IQSEC3: variants seen among roughly 807,000 people sequenced by gnomAD.
IQSEC3 encodes IQ motif and Sec7 domain ArfGEF 3.
IQSEC3 carries 50 observed loss-of-function variants against 105.4 expected under a neutral mutation model. That is an observed-to-expected ratio of 0.47 (90% confidence interval 0.38 to 0.60). IQSEC3 has a LOEUF of 0.60. Ranked by LOEUF, IQSEC3 falls within the 20% of genes least tolerant of loss-of-function variation. The pLI is 0.00. For synonymous variants in IQSEC3, 708 were observed against 746.0 expected (o/e 0.95, Z 0.83); for missense variants, 1,415 against 1,630.0 (o/e 0.87, Z 2.27).
intron 3 of IQSEC3, among the ~76,000 whole-genome samples, chr12:127,336 T>C (rs1301079767): frequency 1.3e-5 from 2 of 152,072 alleles, no homozygotes; most frequent in East Asian, 3.9e-4. Flanking sequence ...CCGCCCAATA[T>C]GGTGAAACCC....
In IQSEC3 at chr12:152,252, G is replaced by A. The variant is rs1555092856; in HGVS notation, c.2154-4773G>A. Reference sequence around the variant, plus strand: ...AGGTGCCCAGGCCAGCTCTGAACCTGCAGGGTGACCACAGAGCCCCCGTGC... The same window carrying A: ...AGGTGCCCAGGCCAGCTCTGAACCTACAGGGTGACCACAGAGCCCCCGTGC... On this transcript the variant is annotated intron_variant, in intron 5 of 13. Transcript: ENST00000538872. This position sits in a 1 kb window ranked among gnomAD's most constrained non-coding sequence, Gnocchi z 4.8. 6.6e-6 allele frequency among the ~76,000 whole-genome samples: 1 copy of A among 152,210 alleles called. No homozygotes were observed. The highest frequency in any genetic ancestry group is 2.4e-5 in the African/African-American group (1 of 41,448).
chr12:137,074 C>T (rs529342534), intron 3 of IQSEC3, among the ~76,000 whole-genome samples: 18 of 149,468 alleles, frequency 1.2e-4, no homozygotes, highest in African/African-American at 4.2e-4. Flanking sequence ...TTGGACAGCT[C>T]CCACCGTAAG....
chr12:177,214 AGCTT>A lies in IQSEC3; in HGVS notation c.*2182_*2185del. The A allele has an allele frequency of 3.3e-5, 4 of 121,800 alleles. No homozygotes were observed. Among genetic ancestry groups the A allele is most frequent in the African/African-American group, 9.7e-5 (3 of 30,998 alleles). The allele number at this position is 121,800 out of a possible 1,614,324, so 7.5% of individuals were successfully genotyped here. On this transcript the variant is annotated 3_prime_UTR_variant, in exon 14 of 14. Coordinates refer to ENST00000538872, the MANE Select transcript of IQSEC3 (RefSeq NM_001170738.2). This position sits in a 1 kb window ranked among gnomAD's most constrained non-coding sequence, Gnocchi z 5.3. ...CGTCCCCTGCTCACACAGCTCTTCAAGCTTACCAAGGACAGGCAGAACCCCGTCC... is the reference window on the plus strand; with the variant it reads ...CGTCCCCTGCTCACACAGCTCTTCAAACCAAGGACAGGCAGAACCCCGTCC...
intron 1 of IQSEC3, among the ~76,000 whole-genome samples, chr12:92,442 C>T (rs1864117530): frequency 6.6e-6 from 1 of 152,070 alleles, no homozygotes; most frequent in Non-Finnish European, 1.5e-5. Flanking sequence ...CACAGGGGCT[C>T]TGAGAATGCC....
At chr12:135,397 C>A (rs1865729908) in intron 3 of IQSEC3, among the ~76,000 whole-genome samples, 1 of 152,212 alleles carries the variant, frequency 6.6e-6, no homozygotes, top group African/African-American at 2.4e-5. Flanking sequence ...AGGCAAGTAT[C>A]TGTGTCTCTT....
intron 1 of IQSEC3, among the ~76,000 whole-genome samples, chr12:81,988 A>G (rs1555070812): frequency 6.6e-6 from 1 of 152,148 alleles, no homozygotes; most frequent in Non-Finnish European, 1.5e-5. Flanking sequence ...TGAAAAGCAT[A>G]GTCTTGGGAG....
At chr12:80,195 C>T (rs1040293307) in intron 1 of IQSEC3, among the ~76,000 whole-genome samples, 6 of 152,208 alleles carry the variant, frequency 3.9e-5, no homozygotes, top group Admixed American at 3.9e-4. Flanking sequence ...GCTGCTGCAG[C>T]CTCCTGCAGA....
chr12:114,907 G>A (rs1865002652), intron 2 of IQSEC3, among the ~76,000 whole-genome samples: 1 of 152,218 alleles, frequency 6.6e-6, no homozygotes, highest in African/African-American at 2.4e-5. Flanking sequence ...TACAGCAGGA[G>A]CCTAGCACGT....
At chr12:157,962 G>A (rs1482614497) in intron 7 of IQSEC3, among the ~76,000 whole-genome samples, 4 of 152,242 alleles carry the variant, frequency 2.6e-5, no homozygotes, top group Non-Finnish European at 4.4e-5. Context: ...TGGCCTCTAG[G>A]CCCCTGACAC....
intron 1 of IQSEC3, among the ~76,000 whole-genome samples, chr12:97,071 C>T (rs1864261292): frequency 6.6e-6 from 1 of 152,194 alleles, no homozygotes; most frequent in African/African-American, 2.4e-5. Context: ...AGCATCTTTC[C>T]ATTGGCTATG....
intron 11 of IQSEC3, chr12:166,228 T>G: frequency 6.6e-6 from 2 of 301,332 alleles, no homozygotes; most frequent in East Asian, 6.1e-5. Context: ...CTCTGGTGCG[T>G]TCCTTCCCAC....
In IQSEC3 at chr12:125,654, C is replaced by T. The variant is rs139408721; in HGVS notation, c.645C>T (p.Ala215=). 268 of 1,524,564 alleles carry T rather than the reference C, an allele frequency of 1.8e-4. No individual in the cohort carries two copies. The highest frequency in any genetic ancestry group is 5.2e-4 in the Middle Eastern group (3 of 5,746). 94.4% of individuals were successfully genotyped at this position (1,524,564 alleles called of 1,614,324 possible). The change falls in exon 3 of 14, where the codon GCC becomes GCT. Residue 215 remains alanine, a synonymous_variant. Transcript: ENST00000538872. ...ACAGTGATGGCTCCTGCACCCAGGC[C>T]GGTGGGGGCATGGAGGACTCCGTGG... is the stretch of plus-strand genomic sequence containing the variant. ...ASQSDGSCTQ[A]GGGMEDSVVA...
At chr12:109,068 G>A (rs951373839) in intron 2 of IQSEC3, among the ~76,000 whole-genome samples, 9 of 152,224 alleles carry the variant, frequency 5.9e-5, no homozygotes, top group African/African-American at 2.2e-4. Flanking sequence ...GCATCCTGGC[G>A]GACTTCTCCC....
intron 1 of IQSEC3, among the ~76,000 whole-genome samples, chr12:81,232 AG>A (rs1394852148): frequency 4.6e-5 from 7 of 152,132 alleles, no homozygotes; most frequent in Non-Finnish European, 8.8e-5. Flanking sequence ...TTTTCCTGCC[AG>A]AAATGCCCCT....
rs139985303 is a variant in IQSEC3 at position 147,383 on chromosome 12, C to T, written c.2153+6098C>T. ...CCTCGTTCCATCTTCACAGCGACTCCGGGAGGGACGTGCTGCTAATCTGTA... is the reference window on the plus strand; with the variant it reads ...CCTCGTTCCATCTTCACAGCGACTCTGGGAGGGACGTGCTGCTAATCTGTA... On this transcript the variant is annotated intron_variant, in intron 5 of 13. Coordinates refer to ENST00000538872, the MANE Select transcript of IQSEC3 (RefSeq NM_001170738.2). Among the ~76,000 whole-genome samples the T allele has an allele frequency of 6.8e-3, 1,042 of 152,260 alleles. 9 individuals carry two copies. Among genetic ancestry groups the T allele is most frequent in the Middle Eastern group, 0.027 (8 of 294 alleles).
intron 5 of IQSEC3, chr12:141,506 T>A: frequency 1.9e-6 from 1 of 517,804 alleles, no homozygotes. Context: ...CAGGCCAGGC[T>A]TCGTTTGAGG....
intron 2 of IQSEC3, among the ~76,000 whole-genome samples, chr12:124,110 G>C (rs1396591527): frequency 6.6e-6 from 1 of 152,088 alleles, no homozygotes; most frequent in African/African-American, 2.4e-5. Context: ...TACTGGGCCG[G>C]GCACAGTGGC....
intron 2 of IQSEC3, among the ~76,000 whole-genome samples, chr12:124,184 C>A (rs978872074): frequency 6.6e-6 from 1 of 151,842 alleles, no homozygotes. Flanking sequence ...GTCAGGAGTT[C>A]GAGACCAGCC....
intron 1 of IQSEC3, 79 bp from the exon 2 acceptor site, chr12:99,067 G>A (rs1864333657): frequency 1.5e-6 from 2 of 1,324,016 alleles, no homozygotes; most frequent in Non-Finnish European, 2.1e-6. Flanking sequence ...AGATTTCAGG[G>A]CAGAAATGCT....
Sources: allele counts gnomAD v4.1 joint callset (sites outside exome capture counted in the v4.1 genomes callset), GRCh38; gene constraint gnomAD v4.1.1; non-coding constraint Gnocchi (gnomAD v3.1); transcripts MANE v1.5; gene names NCBI Gene and HGNC (gene_info 2026-07-23, HGNC 2026-07-21).